HOXA3: variants seen among roughly 807,000 people sequenced by gnomAD.
HOXA3 encodes homeobox protein Hox-A3.
Under a neutral mutation model 30.3 loss-of-function variants are expected in HOXA3, and 8 were observed. The ratio of observed to expected loss-of-function variants is 0.26; its 90% CI spans 0.15 to 0.48. The LOEUF (loss-of-function observed/expected upper bound fraction) is 0.48. HOXA3 is among the 20% of genes least tolerant of loss of function. The pLI, the probability that HOXA3 is intolerant of heterozygous loss-of-function variation, is 0.99. For missense variants in HOXA3, 653 were observed against 614.4 expected (o/e 1.06, Z -0.66); for synonymous variants, 323 against 273.1 (o/e 1.18, Z -1.80).
At position 27,147,282 on chromosome 7, in the gene HOXA3, C is replaced by T. The variant is rs768608826; in HGVS notation, c.-494+5006G>A. 14 of 1,588,428 alleles carry T rather than the reference C, an allele frequency of 8.8e-6. No individual in the cohort carries two copies. In the East Asian group the frequency reaches 2.9e-4, roughly 33 times the overall value. On this transcript the variant is annotated intron_variant, in intron 1 of 5. Coordinates refer to ENST00000612286, the MANE Select transcript of HOXA3 (RefSeq NM_153631.3). ...TTTTCCTGCCTCCTTTCCCCTCTCC[C>T]TCCACTGTCTTGGGATATGTCTTAC...
At chr7:27,130,118 C>T in intron 2 of HOXA3, 3 of 1,598,634 alleles carry the variant, frequency 1.9e-6, no homozygotes, top group Non-Finnish European at 2.6e-6. Flanking sequence ...CGCCACGTAC[C>T]GGCGCTGACA....
At chr7:27,146,999 G>C (rs1038344408) in intron 1 of HOXA3, among the ~76,000 whole-genome samples, 8 of 152,104 alleles carry the variant, frequency 5.3e-5, no homozygotes, top group Non-Finnish European at 5.9e-5. Context: ...TGGACAGGCT[G>C]TCCCTCCCCA....
In HOXA3 at chr7:27,152,450, A is replaced by G; in HGVS notation, c.-656T>C. 1 of 1,155,298 alleles carries G rather than the reference A, an allele frequency of 8.7e-7. No homozygotes were observed. The highest frequency in any genetic ancestry group is 1.1e-6 in the Non-Finnish European group (1 of 923,432). 71.6% of individuals were successfully genotyped at this position (1,155,298 alleles called of 1,614,324 possible). A position where few individuals can be genotyped will look rare whatever the true frequency, so the allele number is the denominator to read the frequency against. ...CGGCGCCGGGAACGGAGCGCGCCCA[A>G]TCTCCAGCGGGAGCCGCCAGGCCTG... On this transcript the variant is annotated 5_prime_UTR_variant, in exon 1 of 6. Coordinates refer to ENST00000612286, the MANE Select transcript of HOXA3 (RefSeq NM_153631.3).
chr7:27,112,690 C>T (rs1784443094), intron 4 of HOXA3, among the ~76,000 whole-genome samples: 1 of 152,152 alleles, frequency 6.6e-6, no homozygotes, highest in African/African-American at 2.4e-5. Flanking sequence ...TCAATGTCTG[C>T]CATTACAAAT....
chr7:27,116,210 A>G (rs1314744723), intron 4 of HOXA3: 1 of 152,624 alleles, frequency 6.6e-6, no homozygotes, highest in Non-Finnish European at 1.5e-5. Flanking sequence ...AGAAGAAAAG[A>G]TTTTCTCAGC....
chr7:27,115,292 C>T (rs917843923), intron 4 of HOXA3: 1 of 152,008 alleles, frequency 6.6e-6, no homozygotes, highest in African/African-American at 2.4e-5. Flanking sequence ...ATTTATGACT[C>T]GGCGCCCCAA....
chr7:27,132,810 C>T (rs1171546124), intron 2 of HOXA3, among the ~76,000 whole-genome samples: 1 of 151,922 alleles, frequency 6.6e-6, no homozygotes, highest in Non-Finnish European at 1.5e-5. Context: ...AAATCTGAAC[C>T]CTATAAGTTT....
chr7:27,116,065 C>A (rs1784707842), intron 4 of HOXA3: 6 of 152,710 alleles, frequency 3.9e-5, no homozygotes. Context: ...CGCCGCTGCG[C>A]CCTTTCTAGA....
chr7:27,144,065 G>C (rs1449800763), intron 1 of HOXA3, among the ~76,000 whole-genome samples: 1 of 152,248 alleles, frequency 6.6e-6, no homozygotes, highest in Non-Finnish European at 1.5e-5. Context: ...GCCGTCAGCT[G>C]CCGATCGCGC....
intron 4 of HOXA3, among the ~76,000 whole-genome samples, chr7:27,115,006 T>C (rs1030696754): frequency 4.1e-5 from 6 of 147,456 alleles, no homozygotes; most frequent in Non-Finnish European, 7.5e-5. Flanking sequence ...AAGCCTCCTT[T>C]GCTCCCAGCT....
rs1280186590 is a variant in HOXA3 at position 27,152,333 on chromosome 7, C to A, written c.-539G>T. 3.2e-6 allele frequency: 4 copies of A among 1,260,328 alleles called. No individual in the cohort carries two copies. Among genetic ancestry groups the A allele is most frequent in the Non-Finnish European group, 4.1e-6 (4 of 975,638 alleles). The allele number at this position is 1,260,328 out of a possible 1,614,324, so 78.1% of individuals were successfully genotyped here. A position where few individuals can be genotyped will look rare whatever the true frequency, so the allele number is the denominator to read the frequency against. On this transcript the variant is annotated 5_prime_UTR_variant, in exon 1 of 6. Coordinates refer to ENST00000612286, the MANE Select transcript of HOXA3 (RefSeq NM_153631.3). ...AAGCTCCTGCCCCTCTGACAGCTGT[C>A]GCTTGGGCAGCCCGAGAGAAGAATT...
intron 1 of HOXA3, chr7:27,147,258 T>C: frequency 6.6e-7 from 1 of 1,508,512 alleles, no homozygotes; most frequent in Non-Finnish European, 9.0e-7. Flanking sequence ...CTTTCTTTCT[T>C]TTCCTGCCTC....
chr7:27,137,519 A>G (rs1487530145), intron 2 of HOXA3, among the ~76,000 whole-genome samples: 32 of 152,200 alleles, frequency 2.1e-4, no homozygotes, highest in Non-Finnish European at 2.9e-5. Context: ...TTCCTCTGCA[A>G]GAACAACCCA....
chr7:27,108,958 CCCCGGT>C lies in HOXA3; in HGVS notation c.527-244_527-239del. 6.6e-6 allele frequency among the ~76,000 whole-genome samples: 1 copy of C among 152,242 alleles called. No individual in the cohort carries two copies. The highest frequency in any genetic ancestry group is 2.1e-4 in the South Asian group (1 of 4,818). ...GGGGGAAAGGACAGAGAAGTAGAACCCCCGGTTTGCCTTCCTGGTCTGGATTTTCTG... is the reference window on the plus strand; with the variant it reads ...GGGGGAAAGGACAGAGAAGTAGAACCTTGCCTTCCTGGTCTGGATTTTCTG... On this transcript the variant is annotated intron_variant, in intron 5 of 5. Transcript: ENST00000612286. The surrounding 1 kb of genome is among the most constrained non-coding windows in gnomAD (Gnocchi z 5.0).
At chr7:27,124,131 C>G (rs1785169864) in intron 3 of HOXA3, 1 of 152,226 alleles carries the variant, frequency 6.6e-6, no homozygotes, top group African/African-American at 2.4e-5. Flanking sequence ...GGCTGCTGTA[C>G]CCCATAAATC....
intron 4 of HOXA3, 81 bp from the exon 5 acceptor site, chr7:27,110,841 A>G (rs1009252402): frequency 5.6e-6 from 4 of 712,222 alleles, no homozygotes; most frequent in Non-Finnish European, 6.6e-6. Flanking sequence ...CATGAAAGCC[A>G]TAAAAGAAAA....
At chr7:27,120,207 C>T (rs1432561110) in intron 4 of HOXA3, among the ~76,000 whole-genome samples, 1 of 152,158 alleles carries the variant, frequency 6.6e-6, no homozygotes, top group Non-Finnish European at 1.5e-5. Context: ...GAAGGGGCCC[C>T]CTTCAAAGCT....
intron 3 of HOXA3, chr7:27,123,719 A>AGG (rs1234729226): frequency 6.6e-6 from 1 of 152,286 alleles, no homozygotes; most frequent in East Asian, 1.9e-4. Flanking sequence ...TAGCGCTAAG[A>AGG]GGGGATATCA....
intron 2 of HOXA3, among the ~76,000 whole-genome samples, 152 bp from the exon 3 acceptor site, chr7:27,127,222 A>G (rs1010109434): frequency 1.3e-5 from 2 of 152,174 alleles, no homozygotes; most frequent in Non-Finnish European, 2.9e-5. Flanking sequence ...GCCTCCAGAA[A>G]TCCCTGGCAC....
Sources: allele counts gnomAD v4.1 joint callset (sites outside exome capture counted in the v4.1 genomes callset), GRCh38; gene constraint gnomAD v4.1.1; non-coding constraint Gnocchi (gnomAD v3.1); transcripts MANE v1.5; gene names NCBI Gene and HGNC (gene_info 2026-07-23, HGNC 2026-07-21).